NEK2: variants seen among roughly 807,000 people sequenced by gnomAD.
The protein encoded by NEK2 is NIMA related kinase 2.
In NEK2, 28 loss-of-function variants were observed where a neutral mutation model predicts 54.1. The observed-to-expected ratio is 0.52, with a 90% confidence interval of 0.38 to 0.71. The LOEUF is 0.71. Among genes scored for constraint, NEK2 ranks in the 30% least tolerant of loss-of-function variants. NEK2 has a pLI of 0.00. For synonymous variants in NEK2, 176 were observed against 193.1 expected (o/e 0.91, Z 0.73); for missense variants, 407 against 531.5 (o/e 0.77, Z 2.30).
At chr1:211,673,066 A>C (rs1459685266) in intron 3 of NEK2, among the ~76,000 whole-genome samples, 1 of 151,452 alleles carries the variant, frequency 6.6e-6, no homozygotes, top group African/African-American at 2.4e-5. Context: ...ACTAGATATT[A>C]CTAAACAAAC....
intron 7 of NEK2, among the ~76,000 whole-genome samples, chr1:211,666,021 CAGTT>C (rs1655167877): frequency 6.6e-6 from 1 of 152,148 alleles, no homozygotes; most frequent in Non-Finnish European, 1.5e-5. Context: ...CAACTTTTAA[CAGTT>C]AGTTTGTGTC....
At position 211,663,316 on chromosome 1, in the gene NEK2, G is replaced by A. The variant is rs1177884262; in HGVS notation, c.*110C>T. On this transcript the variant is annotated 3_prime_UTR_variant, in exon 8 of 8. Transcript: ENST00000366999. ...TCCGAAATATCATGTGTACTATACA[G>A]AAAGGCATGGCTCATGGAACCAAGT... is the stretch of plus-strand genomic sequence containing the variant. The A allele has an allele frequency of 6.7e-7, 1 of 1,491,878 alleles. No homozygotes were observed. The highest frequency in any genetic ancestry group is 8.9e-7 in the Non-Finnish European group (1 of 1,118,132). 92.4% of individuals were successfully genotyped at this position (1,491,878 alleles called of 1,614,324 possible).
At chr1:211,661,271 G>T, downstream of NEK2, 1 of 635,446 alleles carries the variant, frequency 1.6e-6, no homozygotes, top group Non-Finnish European at 2.9e-6. Context: ...AGGAGCAAAG[G>T]GCTCTATTCC....
In NEK2 at chr1:211,670,340, T is replaced by C. The variant is rs1655332969; in HGVS notation, c.706A>G (p.Ile236Val). The C allele has an allele frequency of 6.2e-7, 1 of 1,613,508 alleles. No homozygotes were observed. Among genetic ancestry groups the C allele is most frequent in the Non-Finnish European group, 8.5e-7 (1 of 1,179,482 alleles). ...AATTCATCAGAGTAACGGTATGGAA[T>C]TCGCCTGAATTTGCCTTCTCTGATT... ...GKIREGKFRR[I>V]PYRYSDELNE... The change falls in exon 5 of 8, where the codon ATT becomes GTT. Residue 236 changes from isoleucine to valine, a missense_variant. Physicochemically the swap from Ile to Val is conservative, Grantham distance 29. Coordinates refer to ENST00000366999, the MANE Select transcript of NEK2 (RefSeq NM_002497.4).
intron 6 of NEK2, among the ~76,000 whole-genome samples, chr1:211,668,875 G>A (rs1655262684): frequency 1.3e-5 from 2 of 152,192 alleles, no homozygotes; most frequent in South Asian, 2.1e-4. Context: ...GGCCATCACA[G>A]TTAAGGCCCA....
In NEK2 at chr1:211,667,942, A is replaced by T. The variant is rs957565826; in HGVS notation, c.986-711T>A. Among the ~76,000 whole-genome samples the T allele has an allele frequency of 7.2e-5, 11 of 152,202 alleles. No homozygotes were observed. In the East Asian group the frequency reaches 2.1e-3, roughly 29 times the overall value. ...GCGCCTGTAATCCCAGCTACTCAGG[A>T]GGCTGAGGCAGGAGAATTGCTTGAA... On this transcript the variant is annotated intron_variant, in intron 6 of 7. Transcript: ENST00000366999.
chr1:211,671,649 G>T (rs768891352), intron 3 of NEK2, among the ~76,000 whole-genome samples: 4 of 152,186 alleles, frequency 2.6e-5, no homozygotes, highest in Non-Finnish European at 5.9e-5. Flanking sequence ...CATTTAAATG[G>T]ATATAGACAT....
chr1:211,661,269 A>G, downstream of NEK2: 1 of 642,042 alleles, frequency 1.6e-6, no homozygotes, highest in Middle Eastern at 4.6e-4. Flanking sequence ...GGAGGAGCAA[A>G]GGGCTCTATT....
intron 7 of NEK2, 89 bp from the exon 8 acceptor site, chr1:211,663,741 T>C: frequency 7.8e-7 from 1 of 1,282,600 alleles, no homozygotes; most frequent in Non-Finnish European, 1.1e-6. Flanking sequence ...TATTTGCTCT[T>C]ATGGCTCACA....
Position 211,673,684 on chromosome 1 carries a change from A to G in NEK2, c.354T>C (p.Thr118=), listed in dbSNP as rs1216749983. The change falls in exon 3 of 8, where the codon ACT becomes ACC. Residue 118 remains threonine (T), a synonymous_variant. Transcript: ENST00000366999. ...ATTCCTTCAGGGCCAGAGTCAACTG[A>G]GTCATCACTCGAAGAACAAACTCTT... The part of the protein sequence containing the change: ...LDEEFVLRVM[T]QLTLALKECH... 1.2e-6 allele frequency: 2 copies of G among 1,614,216 alleles called. No individual in the cohort carries two copies. The highest frequency in any genetic ancestry group is 1.7e-5 in the Admixed American group (1 of 60,024).
At chr1:211,674,244 A>T (rs2305014) in intron 2 of NEK2, 52 bp downstream of exon 2, 61,678 of 1,449,590 alleles carry the variant, frequency 0.043, 2,180 homozygotes, top group East Asian at 0.2. Flanking sequence ...GATGCTTAAA[A>T]TAAATGAAAC....
At chr1:211,670,619 G>A (rs1028742665) in intron 4 of NEK2, among the ~76,000 whole-genome samples, 1 of 152,130 alleles carries the variant, frequency 6.6e-6, no homozygotes, top group African/African-American at 2.4e-5. Flanking sequence ...GGGCTGTCCT[G>A]TGCATTATAG....
In NEK2 at chr1:211,674,411, T is replaced by C; in HGVS notation, c.199A>G (p.Ile67Val). Residue 67 changes from isoleucine (I) to valine (V), a missense_variant, in exon 2 of 8, where the codon ATC becomes GTC. By Grantham distance (29) the Ile-to-Val change is conservative (BLOSUM62 3). Transcript: ENST00000366999. ...ATAATCCGATCATAGTAACGAACGA[T>C]GTTTGGATGTTTCAGTTCACGAAGC... is the stretch of plus-strand genomic sequence containing the variant. Reference protein sequence around the residue: ...NLLRELKHPNIVRYYDRIIDR... With the variant: ...NLLRELKHPNVVRYYDRIIDR... 1 of 1,614,196 alleles carries C rather than the reference T, an allele frequency of 6.2e-7. No individual in the cohort carries two copies. Among genetic ancestry groups the C allele is most frequent in the Non-Finnish European group, 8.5e-7 (1 of 1,180,014 alleles).
In NEK2 at chr1:211,663,334, A is replaced by T; in HGVS notation, c.*92T>A. ...CTATACAGAAAGGCATGGCTCATGGAACCAAGTATTCAACACTACAGCATT... is the reference window on the plus strand; with the variant it reads ...CTATACAGAAAGGCATGGCTCATGGTACCAAGTATTCAACACTACAGCATT... On this transcript the variant is annotated 3_prime_UTR_variant, in exon 8 of 8. Coordinates refer to ENST00000366999, the MANE Select transcript of NEK2 (RefSeq NM_002497.4). The T allele has an allele frequency of 6.6e-7, 1 of 1,510,520 alleles. No individual in the cohort carries two copies. Among genetic ancestry groups the T allele is most frequent in the Non-Finnish European group, 8.9e-7 (1 of 1,125,736 alleles). The allele number at this position is 1,510,520 out of a possible 1,614,324, so 93.6% of individuals were successfully genotyped here. A position where few individuals can be genotyped will look rare whatever the true frequency, so the allele number is the denominator to read the frequency against.
At chr1:211,663,955 T>G (rs1655095109) in intron 7 of NEK2, among the ~76,000 whole-genome samples, 1 of 152,212 alleles carries the variant, frequency 6.6e-6, no homozygotes, top group African/African-American at 2.4e-5. Flanking sequence ...AACATAAAAC[T>G]TTTGGAAATC....
downstream of NEK2, chr1:211,660,534 A>C (rs1654990924): frequency 1.6e-6 from 1 of 637,284 alleles, no homozygotes; most frequent in African/African-American, 1.8e-5. Flanking sequence ...GATCATCCTG[A>C]ATCTTAAAGA....
downstream of NEK2, chr1:211,660,760 TA>T: frequency 1.4e-6 from 1 of 691,036 alleles, no homozygotes; most frequent in East Asian, 3.1e-5. Flanking sequence ...CTCAGTCTGA[TA>T]GGAACTCTGC....
At chr1:211,668,924 C>T (rs1346709890) in intron 6 of NEK2, among the ~76,000 whole-genome samples, 189 bp downstream of exon 6, 1 of 152,144 alleles carries the variant, frequency 6.6e-6, no homozygotes, top group Admixed American at 6.5e-5. Context: ...AGAAAGATGT[C>T]CAACATGAAG....
intron 4 of NEK2, 47 bp downstream of exon 4, chr1:211,671,155 C>T (rs760670838): frequency 1.4e-6 from 2 of 1,463,062 alleles, no homozygotes; most frequent in South Asian, 2.3e-5. Flanking sequence ...TGAAATGTGA[C>T]AAACAGTACA....
Sources: gnomAD v4.1 joint callset for allele counts (sites outside exome capture counted in the v4.1 genomes callset) on GRCh38, gnomAD v4.1.1 for gene constraint, MANE v1.5 for transcripts, NCBI Gene and HGNC (gene_info 2026-07-23, HGNC 2026-07-21) for gene names.